ONECUT2: variants seen among roughly 807,000 people sequenced by gnomAD.
The protein encoded by ONECUT2 is one cut homeobox 2.
ONECUT2 carries 10 observed loss-of-function variants against 27.9 expected under a neutral mutation model. The observed-to-expected ratio is 0.36, with a 90% CI of 0.22 to 0.61. The LOEUF (loss-of-function observed/expected upper bound fraction) is 0.61, where lower values mean the gene tolerates loss of function less well. ONECUT2 is among the 20% of genes least tolerant of loss of function. The pLI, the probability that ONECUT2 is intolerant of heterozygous loss-of-function variation, is 0.73. For synonymous variants in ONECUT2, 334 were observed against 315.1 expected (o/e 1.06, Z -0.64); for missense variants, 686 against 721.0 (o/e 0.95, Z 0.56).
chr18:57,461,276 C>G (rs2050289794), intron 1 of ONECUT2, among the ~76,000 whole-genome samples: 1 of 152,040 alleles, frequency 6.6e-6, no homozygotes, highest in Non-Finnish European at 1.5e-5. Flanking sequence ...TAGTAGCAGT[C>G]ATTCCTTCTT....
Position 57,482,086 on chromosome 18 carries a change from G to T in ONECUT2, c.*5363G>T, listed in dbSNP as rs2050418861. On this transcript the variant is annotated 3_prime_UTR_variant, in exon 2 of 2. Coordinates refer to ENST00000491143, the MANE Select transcript of ONECUT2 (RefSeq NM_004852.3). ...TCAAGTCACCCCTGAAACAACAGGAGATTCTAGTTTTAAAATAAGGCCACA... is the reference window on the plus strand; with the variant it reads ...TCAAGTCACCCCTGAAACAACAGGATATTCTAGTTTTAAAATAAGGCCACA... The T allele has an allele frequency of 1.3e-5, 2 of 152,280 alleles. No individual in the cohort carries two copies. Among genetic ancestry groups the T allele is most frequent in the East Asian group, 1.9e-4 (1 of 5,182 alleles). 9.4% of individuals were successfully genotyped at this position (152,280 alleles called of 1,614,324 possible). A position where few individuals can be genotyped will look rare whatever the true frequency, so the allele number is the denominator to read the frequency against.
Position 57,490,394 on chromosome 18 carries a change from G to C in ONECUT2, c.*13671G>C. ...AAAATACCTTTAAATTTCACATGCT[G>C]GCCTGCAGAACTTGCATCCTTTGTT... On this transcript the variant is annotated 3_prime_UTR_variant, in exon 2 of 2. Transcript: ENST00000491143. 1 of 152,238 alleles carries C rather than the reference G, an allele frequency of 6.6e-6. No homozygotes were observed. Among genetic ancestry groups the C allele is most frequent in the East Asian group, 1.9e-4 (1 of 5,184 alleles). The allele number at this position is 152,238 out of a possible 1,614,324, so 9.4% of individuals were successfully genotyped here. A position where few individuals can be genotyped will look rare whatever the true frequency, so the allele number is the denominator to read the frequency against.
In ONECUT2 at chr18:57,490,271, C is replaced by T. The variant is rs1344478575; in HGVS notation, c.*13548C>T. The T allele has an allele frequency of 6.6e-6, 1 of 152,238 alleles. No homozygotes were observed. Among genetic ancestry groups the T allele is most frequent in the Non-Finnish European group, 1.5e-5 (1 of 68,048 alleles). 9.4% of individuals were successfully genotyped at this position (152,238 alleles called of 1,614,324 possible). ...AGTGAGTGAAAACAAGTTCCAGTAT[C>T]TTTTCTTCCATCCAGTTTTGTTCTC... On this transcript the variant is annotated 3_prime_UTR_variant, in exon 2 of 2. Transcript: ENST00000491143.
Position 57,481,360 on chromosome 18 carries a change from A to T in ONECUT2, c.*4637A>T, listed in dbSNP as rs1428788465. The T allele has an allele frequency of 6.6e-6, 1 of 152,348 alleles. No individual in the cohort carries two copies. The highest frequency in any genetic ancestry group is 1.5e-5 in the Non-Finnish European group (1 of 68,028). 9.4% of individuals were successfully genotyped at this position (152,348 alleles called of 1,614,324 possible). On this transcript the variant is annotated 3_prime_UTR_variant, in exon 2 of 2. Transcript: ENST00000491143. ...CTTTTCCCCCTGCAGGCTCTTGGCAATTGTAGGCTTTAGCAAATCCAGAAT... is the reference window on the plus strand; with the variant it reads ...CTTTTCCCCCTGCAGGCTCTTGGCATTTGTAGGCTTTAGCAAATCCAGAAT...
intron 1 of ONECUT2, chr18:57,444,406 C>T (rs1234982225): frequency 2.2e-6 from 1 of 456,742 alleles, no homozygotes; most frequent in African/African-American, 2.0e-5. Context: ...GCAGCAGCTC[C>T]TTGAGTTCCA....
Position 57,436,198 on chromosome 18 carries a change from C to A in ONECUT2, c.482C>A (p.Ser161Tyr). 1 of 1,607,696 alleles carries A rather than the reference C, an allele frequency of 6.2e-7. No individual in the cohort carries two copies. Among genetic ancestry groups the A allele is most frequent in the Non-Finnish European group, 8.5e-7 (1 of 1,179,218 alleles). Residue 161 changes from serine (S) to tyrosine (Y), a missense_variant, in exon 1 of 2, where the codon TCC (serine) becomes TAC (tyrosine). This residue lies in a region of ONECUT2 where 511 missense variants were observed against 488.1 expected (regional missense o/e 1.05). Coordinates refer to ENST00000491143, the MANE Select transcript of ONECUT2 (RefSeq NM_004852.3). This position sits in a 1 kb window ranked among gnomAD's most constrained non-coding sequence, Gnocchi z 5.9. ...CCGCTCCAGCCGCTGCCACCCATCT[C>A]CACCGTGTCTGACAAGTTCCACCAC... ...LTPLQPLPPI[S>Y]TVSDKFHHPH...
chr18:57,442,240 C>T (rs1451472444), intron 1 of ONECUT2, among the ~76,000 whole-genome samples: 3 of 123,292 alleles, frequency 2.4e-5, no homozygotes, highest in African/African-American at 7.6e-5. Flanking sequence ...ACTAATTCTT[C>T]TGGGTTTTTT....
At chr18:57,469,573 C>T (rs781283458) in intron 1 of ONECUT2, among the ~76,000 whole-genome samples, 6 of 152,212 alleles carry the variant, frequency 3.9e-5, no homozygotes, top group Admixed American at 2.0e-4. Context: ...TATGTAAAAA[C>T]ACGTCGTAGT....
At chr18:57,439,965 G>C (rs1487516528) in intron 1 of ONECUT2, among the ~76,000 whole-genome samples, 4 of 152,258 alleles carry the variant, frequency 2.6e-5, no homozygotes, top group Non-Finnish European at 5.9e-5. Context: ...ACCCTTAGGC[G>C]AGGTCACAAC....
At chr18:57,439,791 C>T (rs530500374) in intron 1 of ONECUT2, among the ~76,000 whole-genome samples, 385 of 149,998 alleles carry the variant, frequency 2.6e-3, no homozygotes, top group African/African-American at 9.4e-3. Context: ...ACCGTCCCTG[C>T]CCCCCTCCCG....
chr18:57,464,576 G>T (rs2050310447), intron 1 of ONECUT2, among the ~76,000 whole-genome samples: 1 of 152,138 alleles, frequency 6.6e-6, no homozygotes, highest in Non-Finnish European at 1.5e-5. Flanking sequence ...AACTATGCAA[G>T]ACAGAGATAC....
At position 57,490,902 on chromosome 18, in the gene ONECUT2, C is replaced by T. The variant is rs1044111644; in HGVS notation, c.*14179C>T. ...CGTTTTGAAAAAGAAAACCCACACA[C>T]AAATGCACACTATTACCGTCTTTCA... is the stretch of plus-strand genomic sequence containing the variant. On this transcript the variant is annotated 3_prime_UTR_variant, in exon 2 of 2. Transcript: ENST00000491143. The T allele has an allele frequency of 1.3e-5, 2 of 152,636 alleles. No homozygotes were observed. The highest frequency in any genetic ancestry group is 2.9e-5 in the Non-Finnish European group (2 of 68,036). The allele number at this position is 152,636 out of a possible 1,614,324, so 9.5% of individuals were successfully genotyped here.
intron 1 of ONECUT2, among the ~76,000 whole-genome samples, chr18:57,460,099 A>C (rs1568121941): frequency 6.6e-6 from 1 of 150,796 alleles, no homozygotes. Flanking sequence ...ATTTTATTTT[A>C]TTTTTTTCAT....
chr18:57,459,448 A>G (rs2050277974), intron 1 of ONECUT2, among the ~76,000 whole-genome samples: 1 of 152,254 alleles, frequency 6.6e-6, no homozygotes, highest in Admixed American at 6.5e-5. Flanking sequence ...ACATTAATAG[A>G]TCTAAAGGGA....
chr18:57,436,694 G>A lies in ONECUT2; in HGVS notation c.978G>A (p.Thr326=), dbSNP rs915694797. ...PSSSSGSQVA[T]SGQLEEINTK... ...CCTCATCGGGCTCGCAGGTGGCCAC[G>A]TCGGGCCAGCTGGAAGAAATCAACA... The change falls in exon 1 of 2, where the codon ACG becomes ACA. Residue 326 remains threonine, a synonymous_variant. Transcript: ENST00000491143. The surrounding 1 kb of genome is among the most constrained non-coding windows in gnomAD (Gnocchi z 5.9). 4 of 1,613,340 alleles carry A rather than the reference G, an allele frequency of 2.5e-6. No homozygotes were observed. In the Admixed American group the frequency reaches 6.7e-5, roughly 27 times the overall value.
chr18:57,435,668 C>A lies in ONECUT2; in HGVS notation c.-49C>A, dbSNP rs757104897. On this transcript the variant is annotated 5_prime_UTR_variant, in exon 1 of 2. Transcript: ENST00000491143. ...CCCCGCCACGCGCGCCTTGCCCGCC[C>A]GCCGGCCGCCCCCGCCGCCCCCGCC... is the stretch of plus-strand genomic sequence containing the variant. 64 of 1,015,546 alleles carry A rather than the reference C, an allele frequency of 6.3e-5. 1 individual carries two copies. The highest frequency in any genetic ancestry group is 9.7e-4 in the Middle Eastern group (2 of 2,058). The allele number at this position is 1,015,546 out of a possible 1,614,324, so 62.9% of individuals were successfully genotyped here.
chr18:57,481,367 G>A lies in ONECUT2; in HGVS notation c.*4644G>A, dbSNP rs1337671057. On this transcript the variant is annotated 3_prime_UTR_variant, in exon 2 of 2. Transcript: ENST00000491143. ...CCCTGCAGGCTCTTGGCAATTGTAGGCTTTAGCAAATCCAGAATAATTTTC... is the reference window on the plus strand; with the variant it reads ...CCCTGCAGGCTCTTGGCAATTGTAGACTTTAGCAAATCCAGAATAATTTTC... The A allele has an allele frequency of 6.6e-6, 1 of 152,144 alleles. No homozygotes were observed. Among genetic ancestry groups the A allele is most frequent in the African/African-American group, 2.4e-5 (1 of 41,436 alleles). The allele number at this position is 152,144 out of a possible 1,614,324, so 9.4% of individuals were successfully genotyped here.
intron 1 of ONECUT2, among the ~76,000 whole-genome samples, chr18:57,446,690 C>CT (rs1380769577): frequency 1.3e-5 from 2 of 152,222 alleles, no homozygotes; most frequent in African/African-American, 2.4e-5. Context: ...GCTTAAAGGG[C>CT]TTTTTCCTGG....
At position 57,489,086 on chromosome 18, in the gene ONECUT2, T is replaced by C. The variant is rs1274642553; in HGVS notation, c.*12363T>C. ...CCAGTCAAGGCTATTGCAGCCCATC[T>C]GGTGGCTTTACATGGGACATTACCA... is the stretch of plus-strand genomic sequence containing the variant. On this transcript the variant is annotated 3_prime_UTR_variant, in exon 2 of 2. Transcript: ENST00000491143. 1 of 152,294 alleles carries C rather than the reference T, an allele frequency of 6.6e-6. No homozygotes were observed. Among genetic ancestry groups the C allele is most frequent in the African/African-American group, 2.4e-5 (1 of 41,462 alleles). The allele number at this position is 152,294 out of a possible 1,614,324, so 9.4% of individuals were successfully genotyped here.
Sources: allele counts gnomAD v4.1 joint callset (sites outside exome capture counted in the v4.1 genomes callset), GRCh38; gene constraint gnomAD v4.1.1; regional missense constraint gnomAD v4.1.1; non-coding constraint Gnocchi (gnomAD v3.1); transcripts MANE v1.5; gene names NCBI Gene and HGNC (gene_info 2026-07-23, HGNC 2026-07-21).